Variants in EFHD1 observed in about 807,000 individuals in gnomAD.
EFHD1 encodes EF-hand domain family member D1, also known as EF-hand domain-containing protein D1.
A neutral mutation model predicts 17.2 loss-of-function variants in EFHD1; 10 were observed. The ratio of observed to expected loss-of-function variants is 0.58; its 90% CI spans 0.36 to 0.99. EFHD1 has a LOEUF of 0.99. EFHD1 is among the 50% of genes least tolerant of loss of function. The probability of loss-of-function intolerance (pLI) is 0.01; values close to 1 mark genes in which losing one functional copy is unlikely to be tolerated. For missense variants in EFHD1, 310 were observed against 327.5 expected (o/e 0.95, Z 0.41); for synonymous variants, 153 against 142.0 (o/e 1.08, Z -0.55).
intron 1 of EFHD1, among the ~76,000 whole-genome samples, chr2:232,653,150 C>T (rs546942722): frequency 2.4e-4 from 37 of 152,152 alleles, no homozygotes; most frequent in Admixed American, 2.0e-3. Context: ...CCCACCACCA[C>T]GCCCGGCTAA....
intron 3 of EFHD1, among the ~76,000 whole-genome samples, chr2:232,674,321 C>T (rs1695133259): frequency 6.6e-6 from 1 of 152,186 alleles, no homozygotes; most frequent in South Asian, 2.1e-4. Flanking sequence ...GTGATATACC[C>T]ACACATTTGC....
Position 232,660,254 on chromosome 2 carries a change from G to A in EFHD1, c.303-2548G>A, listed in dbSNP as rs1694836067. Among the ~76,000 whole-genome samples, 2 of 151,410 alleles carry A rather than the reference G, an allele frequency of 1.3e-5. 1 individual carries two copies. The highest frequency in any genetic ancestry group is 4.2e-4 in the South Asian group (2 of 4,818). ...CTGTCACCCAGGCTGGAGTGCAGTG[G>A]CACGACCTCGGCTTACTGCAAGCTC... On this transcript the variant is annotated intron_variant, in intron 1 of 3. Transcript: ENST00000264059.
At chr2:232,632,332 C>G (rs1346909025), upstream of EFHD1, among the ~76,000 whole-genome samples, 2 of 152,172 alleles carry the variant, frequency 1.3e-5, no homozygotes, top group African/African-American at 2.4e-5. Context: ...CCCCGCATGC[C>G]CTGCACTCGC....
intron 1 of EFHD1, among the ~76,000 whole-genome samples, chr2:232,616,309 T>A (rs545925217): frequency 1.1e-3 from 174 of 151,566 alleles, no homozygotes; most frequent in African/African-American, 3.5e-3. Context: ...TTATTTATTT[T>A]TTTTTTTGAG....
chr2:232,611,323 C>T lies in EFHD1; in HGVS notation c.14+5150C>T, dbSNP rs568049833. 1.3e-4 allele frequency among the ~76,000 whole-genome samples: 20 copies of T among 151,884 alleles called. No individual in the cohort carries two copies. The South Asian group carries it at 2.3e-3, about 17-fold the overall frequency. On this transcript the variant is annotated intron_variant, in intron 1 of 3. Coordinates refer to the EFHD1 transcript ENST00000409613. Reference sequence around the variant, plus strand: ...CCTGGGGGTCGGGGGGGGGGCATCCCGATTAGAAAATGTCCCTCCTGAGTC... The same window carrying T: ...CCTGGGGGTCGGGGGGGGGGCATCCTGATTAGAAAATGTCCCTCCTGAGTC...
intron 3 of EFHD1, among the ~76,000 whole-genome samples, chr2:232,673,423 T>C (rs1695115042): frequency 6.6e-6 from 1 of 152,198 alleles, no homozygotes; most frequent in Non-Finnish European, 1.5e-5. Context: ...GAATGTCTTA[T>C]CTGGGTATTC....
intron 1 of EFHD1, chr2:232,638,151 G>T (rs755698997): frequency 6.2e-6 from 2 of 325,144 alleles, no homozygotes; most frequent in Non-Finnish European, 1.2e-5. Context: ...ACTCTACAGC[G>T]TGTATCCGTG....
chr2:232,615,623 G>C (rs1010067928), intron 1 of EFHD1, among the ~76,000 whole-genome samples: 1 of 151,398 alleles, frequency 6.6e-6, no homozygotes, highest in African/African-American at 2.4e-5. Flanking sequence ...AGGCTTTGCT[G>C]AGTAACACTT....
chr2:232,676,193 T>C (rs1237947993), intron 3 of EFHD1, among the ~76,000 whole-genome samples: 1 of 151,620 alleles, frequency 6.6e-6, no homozygotes, highest in Non-Finnish European at 1.5e-5. Context: ...AAAAAAAGCC[T>C]GGCCTCCCCC....
intron 1 of EFHD1, among the ~76,000 whole-genome samples, chr2:232,622,156 A>G (rs1338846179): frequency 6.6e-6 from 1 of 152,166 alleles, no homozygotes; most frequent in Non-Finnish European, 1.5e-5. Flanking sequence ...GCTGCCCAGG[A>G]CCCAGACTTG....
upstream of EFHD1, among the ~76,000 whole-genome samples, chr2:232,628,622 G>A (rs1694147674): frequency 6.6e-6 from 1 of 152,140 alleles, no homozygotes; most frequent in South Asian, 2.1e-4. Flanking sequence ...GGGGCTGAAA[G>A]AGAAATCTTT....
intron 1 of EFHD1, among the ~76,000 whole-genome samples, chr2:232,654,970 C>T (rs1449131545): frequency 1.3e-5 from 2 of 152,200 alleles, no homozygotes; most frequent in Non-Finnish European, 1.5e-5. Context: ...TGTCTCCTTA[C>T]ACCCAGGCTT....
chr2:232,648,409 G>A (rs762798352), intron 1 of EFHD1, among the ~76,000 whole-genome samples: 2 of 152,154 alleles, frequency 1.3e-5, no homozygotes, highest in Non-Finnish European at 2.9e-5. Flanking sequence ...TTCCCAGCCC[G>A]CAGCTGGTTG....
chr2:232,615,966 C>T (rs945080211), intron 1 of EFHD1, among the ~76,000 whole-genome samples: 8 of 152,190 alleles, frequency 5.3e-5, no homozygotes, highest in Middle Eastern at 3.4e-3. Flanking sequence ...GGATTATAGG[C>T]GTGAGCCACG....
At position 232,664,182 on chromosome 2, in the gene EFHD1, A is replaced by G. The variant is rs190916197; in HGVS notation, c.450+1233A>G. Reference sequence around the variant, plus strand: ...TTGAAACAGGGTTGCTCTGTTGCCCAGGCTAGAATGCAGTGGCATGATCAC... The same window carrying G: ...TTGAAACAGGGTTGCTCTGTTGCCCGGGCTAGAATGCAGTGGCATGATCAC... On this transcript the variant is annotated intron_variant, in intron 2 of 3. Coordinates refer to ENST00000264059, the MANE Select transcript of EFHD1 (RefSeq NM_025202.4). 4.3e-3 allele frequency among the ~76,000 whole-genome samples: 647 copies of G among 152,182 alleles called. 2 individuals carry two copies. Among genetic ancestry groups the G allele is most frequent in the Non-Finnish European group, 6.1e-3 (417 of 68,024 alleles).
At chr2:232,643,634 C>T (rs1489975815) in intron 1 of EFHD1, among the ~76,000 whole-genome samples, 2 of 151,860 alleles carry the variant, frequency 1.3e-5, no homozygotes, top group East Asian at 1.9e-4. Context: ...AGTCTGCCCA[C>T]CTTGGCCTCC....
intron 1 of EFHD1, among the ~76,000 whole-genome samples, chr2:232,649,375 C>G (rs1490110468): frequency 6.6e-6 from 1 of 152,170 alleles, no homozygotes; most frequent in African/African-American, 2.4e-5. Context: ...AGTTGAGAAG[C>G]CTTTTCCAGG....
intron 1 of EFHD1, chr2:232,661,568 CTTTTT>C: frequency 8.6e-6 from 1 of 116,388 alleles, no homozygotes; most frequent in Non-Finnish European, 1.7e-5. Context: ...ACCACCACCC[CTTTTT>C]TTTTTTTTTT....
At chr2:232,608,449 A>G (rs1451424659) in intron 1 of EFHD1, among the ~76,000 whole-genome samples, 1 of 152,224 alleles carries the variant, frequency 6.6e-6, no homozygotes, top group African/African-American at 2.4e-5. Context: ...AATACCTAAT[A>G]CAATGTAAAT....
Sources: allele counts gnomAD v4.1 joint callset (sites outside exome capture counted in the v4.1 genomes callset), GRCh38; gene constraint gnomAD v4.1.1; transcripts MANE v1.5; gene names NCBI Gene and HGNC (gene_info 2026-07-23, HGNC 2026-07-21).